The following CTNNA2 variants were observed in gnomAD, a reference collection of about 807,000 sequenced individuals.
CTNNA2 encodes the protein catenin alpha 2, also known as catenin alpha-2.
Under a neutral mutation model 101.0 loss-of-function variants are expected in CTNNA2, and 42 were observed. That is an observed-to-expected ratio of 0.42 (90% CI 0.32 to 0.54). The LOEUF (loss-of-function observed/expected upper bound fraction) is 0.54. Ranked by LOEUF, CTNNA2 falls within the 20% of genes least tolerant of loss-of-function variation. The pLI is 0.14. For missense variants in CTNNA2, 871 were observed against 1,223.1 expected, an observed-to-expected ratio of 0.71 and a Z score of 4.29; for synonymous variants, 450 against 456.4, an observed-to-expected ratio of 0.99 and a Z score of 0.18.
chr2:79,559,559 GA>G (rs1388132032), intron 1 of CTNNA2, among the ~76,000 whole-genome samples: 1 of 151,920 alleles, frequency 6.6e-6, no homozygotes, highest in African/African-American at 2.4e-5. Context: ...AGGAAAGAAT[GA>G]AAGCTGAAAC....
At chr2:79,831,792 A>G (rs898752890) in intron 3 of CTNNA2, among the ~76,000 whole-genome samples, 3 of 143,716 alleles carry the variant, frequency 2.1e-5, no homozygotes, top group Non-Finnish European at 4.7e-5. Context: ...TCTACCCTTC[A>G]ATTAAAAAAA....
chr2:79,950,551 C>A (rs751243257), intron 7 of CTNNA2, among the ~76,000 whole-genome samples: 1 of 152,168 alleles, frequency 6.6e-6, no homozygotes, highest in Non-Finnish European at 1.5e-5. Flanking sequence ...GTGGTTCAAC[C>A]CCATTCCTGT....
At chr2:79,199,055 C>A (rs1673999047) in intron 2 of CTNNA2, among the ~76,000 whole-genome samples, 1 of 152,168 alleles carries the variant, frequency 6.6e-6, no homozygotes, top group Non-Finnish European at 1.5e-5. Flanking sequence ...ACATGCCTGT[C>A]TATAGATGAG....
At chr2:79,879,451 G>A (rs1387242486) in intron 6 of CTNNA2, among the ~76,000 whole-genome samples, 1 of 152,102 alleles carries the variant, frequency 6.6e-6, no homozygotes, top group East Asian at 1.9e-4. Flanking sequence ...CTATCCATGA[G>A]GTTGGAATGT....
At chr2:79,653,916 G>T (rs1179241504) in intron 2 of CTNNA2, among the ~76,000 whole-genome samples, 1 of 152,064 alleles carries the variant, frequency 6.6e-6, no homozygotes, top group African/African-American at 2.4e-5. Flanking sequence ...ATGAAACAAA[G>T]ATTCTCTTTT....
At chr2:80,585,486 T>C (rs535834445) in intron 14 of CTNNA2, among the ~76,000 whole-genome samples, 5 of 152,290 alleles carry the variant, frequency 3.3e-5, no homozygotes, top group African/African-American at 1.2e-4. Flanking sequence ...AACTTCAACC[T>C]GTCCTGGGTA....
intron 3 of CTNNA2, among the ~76,000 whole-genome samples, chr2:79,336,222 T>G (rs190914231): frequency 9.8e-4 from 149 of 152,318 alleles, no homozygotes; most frequent in African/African-American, 3.5e-3. Context: ...GGGGCAAGAC[T>G]GCACTGGGAT....
At chr2:79,527,296 C>A (rs1672465785) in intron 1 of CTNNA2, among the ~76,000 whole-genome samples, 1 of 151,690 alleles carries the variant, frequency 6.6e-6, no homozygotes, top group Non-Finnish European at 1.5e-5. Context: ...CACATCAAAA[C>A]CGCAATGAAA....
At chr2:79,525,360 T>G (rs1401244242) in intron 1 of CTNNA2, among the ~76,000 whole-genome samples, 1 of 152,016 alleles carries the variant, frequency 6.6e-6, no homozygotes, top group Admixed American at 6.6e-5. Flanking sequence ...TGAAAATCTT[T>G]CACTGATTAT....
At chr2:80,036,775 AAG>A (rs1695680028) in intron 7 of CTNNA2, among the ~76,000 whole-genome samples, 1 of 151,762 alleles carries the variant, frequency 6.6e-6, no homozygotes, top group African/African-American at 2.4e-5. Flanking sequence ...AAATGGACAA[AAG>A]AGAATACCAT....
intron 1 of CTNNA2, among the ~76,000 whole-genome samples, chr2:79,624,530 T>A (rs1475806986): frequency 1.3e-5 from 2 of 152,120 alleles, no homozygotes; most frequent in Non-Finnish European, 2.9e-5. Flanking sequence ...TTGGAAGATA[T>A]TTTAGGAAAG....
intron 14 of CTNNA2, among the ~76,000 whole-genome samples, chr2:80,585,556 T>A (rs1299232024): frequency 6.6e-6 from 1 of 152,184 alleles, no homozygotes; most frequent in Non-Finnish European, 1.5e-5. Context: ...GAAGATAATT[T>A]TTCTCATGTT....
intron 3 of CTNNA2, among the ~76,000 whole-genome samples, chr2:79,808,312 T>C (rs1352076947): frequency 1.3e-5 from 2 of 152,130 alleles, no homozygotes; most frequent in African/African-American, 4.8e-5. Flanking sequence ...GGCCTTACAC[T>C]GTGTTGCTGT....
intron 3 of CTNNA2, among the ~76,000 whole-genome samples, chr2:79,841,753 A>G (rs892423718): frequency 6.6e-6 from 1 of 152,222 alleles, no homozygotes; most frequent in Non-Finnish European, 1.5e-5. Flanking sequence ...GGACATAACA[A>G]TGGAATTCAT....
chr2:79,712,594 A>G (rs1685814201), intron 2 of CTNNA2, among the ~76,000 whole-genome samples: 1 of 152,184 alleles, frequency 6.6e-6, no homozygotes. Context: ...GAAAGAGTGT[A>G]AATTCATTAT....
At position 80,203,864 on chromosome 2, in the gene CTNNA2, G is replaced by A. The variant is rs191840121; in HGVS notation, c.1057-189347G>A. Among the ~76,000 whole-genome samples the A allele has an allele frequency of 2.6e-4, 40 of 152,328 alleles. 1 individual carries two copies. The highest frequency in any genetic ancestry group is 9.6e-4 in the African/African-American group (40 of 41,584). ...ACCCCTGCAACAAACTTCTGCCTGGGCATCCAGGCATTTTCATACATCCTC... is the reference window on the plus strand; with the variant it reads ...ACCCCTGCAACAAACTTCTGCCTGGACATCCAGGCATTTTCATACATCCTC... On this transcript the variant is annotated intron_variant, in intron 7 of 18. Transcript: ENST00000402739.
intron 1 of CTNNA2, among the ~76,000 whole-genome samples, chr2:79,546,976 T>C (rs1237892014): frequency 9.6e-6 from 1 of 104,540 alleles, no homozygotes; most frequent in Non-Finnish European, 2.0e-5. Flanking sequence ...TAGAAATTTG[T>C]GGAATTTGTG....
intron 7 of CTNNA2, among the ~76,000 whole-genome samples, chr2:80,033,783 T>C (rs1335887995): frequency 6.6e-6 from 1 of 152,028 alleles, no homozygotes; most frequent in Non-Finnish European, 1.5e-5. Context: ...TAATGGACAT[T>C]CTGGACAGTT....
chr2:79,958,515 A>T (rs1286624670), intron 7 of CTNNA2, among the ~76,000 whole-genome samples: 1 of 152,148 alleles, frequency 6.6e-6, no homozygotes, highest in Non-Finnish European at 1.5e-5. Flanking sequence ...TTGAAGATGG[A>T]GGAAGGGACC....
Sources: allele counts gnomAD v4.1 joint callset (sites outside exome capture counted in the v4.1 genomes callset), GRCh38; gene constraint gnomAD v4.1.1; transcripts MANE v1.5; gene names NCBI Gene and HGNC (gene_info 2026-07-23, HGNC 2026-07-21).